The following SLC1A3 variants were observed in gnomAD, a reference collection of about 807,000 sequenced individuals.
SLC1A3 encodes solute carrier family 1 member 3, also known as excitatory amino acid transporter 1.
SLC1A3 carries 21 observed loss-of-function variants against 48.1 expected under a neutral mutation model. That is an observed-to-expected ratio of 0.44 (90% CI 0.31 to 0.63). The LOEUF is 0.63. Ranked by LOEUF, SLC1A3 falls within the 20% of genes least tolerant of loss-of-function variation. The pLI is 0.08. For synonymous variants in SLC1A3, 239 were observed against 251.4 expected (o/e 0.95, Z 0.47); for missense variants, 546 against 689.0 (o/e 0.79, Z 2.32).
At chr5:36,598,966 C>A (rs1040388858) in intron 1 of SLC1A3, among the ~76,000 whole-genome samples, 2 of 152,092 alleles carry the variant, frequency 1.3e-5, no homozygotes, top group African/African-American at 4.8e-5. Flanking sequence ...CTCAATATAT[C>A]CAAAATATTA....
At position 36,641,251 on chromosome 5, in the gene SLC1A3, T is replaced by A. The variant is rs545512338; in HGVS notation, c.319+11664T>A. On this transcript the variant is annotated intron_variant, in intron 3 of 9. Transcript: ENST00000265113. ...GGGCACACATAGCTTTGTTTGTTTA[T>A]TCTTTTTTCAGAAGTCCTTCCAATT... Among the ~76,000 whole-genome samples the A allele has an allele frequency of 9.2e-5, 14 of 152,358 alleles. 1 individual carries two copies. In the Middle Eastern group the frequency reaches 0.017, roughly 185 times the overall value.
intron 3 of SLC1A3, among the ~76,000 whole-genome samples, chr5:36,663,380 A>ATTTTTTTTTTTTTTTTT (rs1156283585): frequency 2.5e-3 from 175 of 69,336 alleles, no homozygotes; most frequent in East Asian, 4.6e-3. Flanking sequence ...CACGCCCGGC[A>ATTTTTTTTTTTTTTTTT]TTTTTTTTTT....
chr5:36,607,084 T>A (rs377638414), intron 1 of SLC1A3: 2 of 152,342 alleles, frequency 1.3e-5, no homozygotes, highest in South Asian at 2.1e-4. Context: ...CGGTCTTCAC[T>A]TCTCCCTAAG....
intron 3 of SLC1A3, among the ~76,000 whole-genome samples, chr5:36,645,621 G>A (rs147467100): frequency 0.011 from 1,737 of 152,096 alleles, 17 homozygotes; most frequent in Non-Finnish European, 0.019. Flanking sequence ...CACCGCGCCC[G>A]GCCCTCCATT....
intron 8 of SLC1A3, 84 bp from the exon 9 acceptor site, chr5:36,683,780 G>A (rs529634989): frequency 2.2e-5 from 32 of 1,460,884 alleles, no homozygotes; most frequent in South Asian, 6.8e-5. Context: ...GTCAGGCATC[G>A]GCACCGTGCG....
At chr5:36,618,893 T>A (rs1377178650) in intron 2 of SLC1A3, among the ~76,000 whole-genome samples, 2 of 152,240 alleles carry the variant, frequency 1.3e-5, no homozygotes, top group East Asian at 3.8e-4. Context: ...ACCTGTAGGA[T>A]TATTTGTAAA....
rs184525792 is a variant in SLC1A3 at position 36,657,892 on chromosome 5, G to A, written c.320-13137G>A. On this transcript the variant is annotated intron_variant, in intron 3 of 9. Transcript: ENST00000265113. ...ATAGTCACTGTACTCTGCGCTGACC[G>A]CACTGCATTGGGAATAATTTGTTTG... Among the ~76,000 whole-genome samples, 16 of 152,344 alleles carry A rather than the reference G, an allele frequency of 1.1e-4. No individual in the cohort carries two copies. In the East Asian group the frequency reaches 2.9e-3, roughly 28 times the overall value.
At chr5:36,636,001 C>G (rs1179681478) in intron 3 of SLC1A3, 1 of 146,484 alleles carries the variant, frequency 6.8e-6, no homozygotes, top group Admixed American at 6.8e-5. Flanking sequence ...GTGGGGTAAA[C>G]TTTTTTTGCA....
intron 8 of SLC1A3, 82 bp downstream of exon 8, chr5:36,680,671 A>G (rs1469512094): frequency 4.1e-6 from 5 of 1,228,966 alleles, no homozygotes; most frequent in Non-Finnish European, 3.6e-6. Flanking sequence ...TAATCCTAAC[A>G]CTTTGGGAGG....
At chr5:36,645,912 T>A (rs987449755) in intron 3 of SLC1A3, among the ~76,000 whole-genome samples, 15 of 152,262 alleles carry the variant, frequency 9.9e-5, no homozygotes, top group African/African-American at 3.1e-4. Flanking sequence ...TACCAGTTTA[T>A]CATGGTACAG....
At chr5:36,662,456 G>A (rs1361611659) in intron 3 of SLC1A3, among the ~76,000 whole-genome samples, 1 of 152,190 alleles carries the variant, frequency 6.6e-6, no homozygotes, top group Admixed American at 6.5e-5. Context: ...TTGGTCTGAG[G>A]CTGTCAGCTG....
In SLC1A3 at chr5:36,629,495, G is replaced by A. The variant is rs148490778; in HGVS notation, c.227G>A (p.Arg76Gln). ...CTCCGACCATACAGAATGAGCTACC[G>A]GGAAGTCAAGTACTTCTCCTTTCCT... is the stretch of plus-strand genomic sequence containing the variant. ...FTLRPYRMSY[R>Q]EVKYFSFPGE... Residue 76 changes from arginine to glutamine, a missense_variant, in exon 3 of 10, where the codon CGG (arginine) becomes CAG (glutamine). Arg to Gln is a conservative substitution (Grantham distance 43). Coordinates refer to ENST00000265113, the MANE Select transcript of SLC1A3 (RefSeq NM_004172.5). 2.5e-5 allele frequency: 40 copies of A among 1,611,208 alleles called. No individual in the cohort carries two copies. The highest frequency in any genetic ancestry group is 3.3e-5 in the Admixed American group (2 of 59,760).
chr5:36,671,045 T>TAGTA lies in SLC1A3; in HGVS notation c.339_342dup (p.Ala115Ter). ...CTCCACCAGGAATGGCGGCGCTAGATAGTAAGGCATCAGGGAAGATGGGAA... is the reference window on the plus strand; with the variant it reads ...CTCCACCAGGAATGGCGGCGCTAGATAGTAAGTAAGGCATCAGGGAAGATGGGAA... On this transcript the variant is annotated frameshift_variant, in exon 4 of 10. Coordinates refer to ENST00000265113, the MANE Select transcript of SLC1A3 (RefSeq NM_004172.5). LOFTEE classifies it high-confidence loss of function. The TAGTA allele has an allele frequency of 6.2e-7, 1 of 1,613,916 alleles. No homozygotes were observed. Among genetic ancestry groups the TAGTA allele is most frequent in the South Asian group, 1.1e-5 (1 of 91,086 alleles).
intron 2 of SLC1A3, among the ~76,000 whole-genome samples, chr5:36,629,230 G>GT (rs1422008740): frequency 1.3e-5 from 2 of 152,022 alleles, no homozygotes; most frequent in Non-Finnish European, 2.9e-5. Flanking sequence ...ACTAGAAAGA[G>GT]TTTTTTTCTA....
rs527765468 is a variant in SLC1A3, at chr5:36,675,663, T to C, written c.568-1229T>C. Among the ~76,000 whole-genome samples the C allele has an allele frequency of 3.9e-5, 6 of 152,250 alleles. No individual in the cohort carries two copies. In the South Asian group the frequency reaches 1.2e-3, roughly 32 times the overall value. On this transcript the variant is annotated intron_variant, in intron 5 of 9. Transcript: ENST00000265113. ...TGCCCTGGACAATCCATAAAATGCA[T>C]AAGGACCCAACGGAATAAAGAAATT...
intron 5 of SLC1A3, among the ~76,000 whole-genome samples, chr5:36,676,170 T>A (rs1369872915): frequency 6.6e-6 from 1 of 152,216 alleles, no homozygotes; most frequent in African/African-American, 2.4e-5. Context: ...CAGGCACCTA[T>A]TCTTAAGAAC....
At chr5:36,663,152 TAAC>T (rs1203518612) in intron 3 of SLC1A3, among the ~76,000 whole-genome samples, 1 of 152,210 alleles carries the variant, frequency 6.6e-6, no homozygotes, top group Non-Finnish European at 1.5e-5. Flanking sequence ...TTTTTCTACT[TAAC>T]AATCTTTCAA....
chr5:36,660,924 C>T (rs951609884), intron 3 of SLC1A3, among the ~76,000 whole-genome samples: 7 of 152,140 alleles, frequency 4.6e-5, no homozygotes, highest in African/African-American at 1.2e-4. Context: ...CTTTTCTCTA[C>T]GTTTTCTCTT....
At chr5:36,673,322 C>T (rs571519219) in intron 4 of SLC1A3, among the ~76,000 whole-genome samples, 61 of 152,286 alleles carry the variant, frequency 4.0e-4, no homozygotes, top group Admixed American at 1.6e-3. Context: ...AATCCAATCT[C>T]CTCTTTAAGA....
Sources: gnomAD v4.1 joint callset for allele counts (sites outside exome capture counted in the v4.1 genomes callset) on GRCh38, gnomAD v4.1.1 for gene constraint, MANE v1.5 for transcripts, NCBI Gene and HGNC (gene_info 2026-07-23, HGNC 2026-07-21) for gene names.